RRAS2: variants seen among roughly 807,000 people sequenced by gnomAD.
RRAS2 encodes the protein RAS related 2.
RRAS2 carries 7 observed loss-of-function variants against 27.6 expected under a neutral mutation model. That is an observed-to-expected ratio of 0.25 (90% CI 0.14 to 0.48). The LOEUF is 0.48. RRAS2 is among the 20% of genes least tolerant of loss of function. The probability of loss-of-function intolerance (pLI) is 0.99; values close to 1 mark genes in which losing one functional copy is unlikely to be tolerated. For missense variants in RRAS2, 178 were observed against 256.2 expected, an observed-to-expected ratio of 0.69 and a Z score of 2.08; for synonymous variants, 86 against 90.9, an observed-to-expected ratio of 0.95 and a Z score of 0.31.
chr11:14,359,175 T>A lies in RRAS2; in HGVS notation c.-305A>T. 8 of 974,378 alleles carry A rather than the reference T, an allele frequency of 8.2e-6. No homozygotes were observed. Among genetic ancestry groups the A allele is most frequent in the Non-Finnish European group, 9.6e-6 (8 of 829,628 alleles). The allele number at this position is 974,378 out of a possible 1,614,324, so 60.4% of individuals were successfully genotyped here. Reference sequence around the variant, plus strand: ...ACGCAGCCTCCAGCGCCGCCACAAATGGCCGTCTGGGGGCCGGGCTGCCAG... The same window carrying A: ...ACGCAGCCTCCAGCGCCGCCACAAAAGGCCGTCTGGGGGCCGGGCTGCCAG... On this transcript the variant is annotated 5_prime_UTR_variant, in exon 1 of 6. Transcript: ENST00000256196.
rs1158523964 is a variant in RRAS2, at chr11:14,278,426, A to G, written c.*911T>C. 1.3e-5 allele frequency: 2 copies of G among 152,272 alleles called. No individual in the cohort carries two copies. Among genetic ancestry groups the G allele is most frequent in the Admixed American group, 6.5e-5 (1 of 15,284 alleles). The allele number at this position is 152,272 out of a possible 1,614,324, so 9.4% of individuals were successfully genotyped here. ...TATGAAAGCATATCTGCTTACAAAC[A>G]TATAAAAATACTTGTTAACTAGTTT... On this transcript the variant is annotated 3_prime_UTR_variant, in exon 6 of 6. Coordinates refer to ENST00000256196, the MANE Select transcript of RRAS2 (RefSeq NM_012250.6).
chr11:14,339,921 C>A (rs924089406), intron 1 of RRAS2, among the ~76,000 whole-genome samples: 3 of 151,634 alleles, frequency 2.0e-5, no homozygotes, highest in Admixed American at 1.3e-4. Context: ...CGAGACCAGC[C>A]TGGGCAATAT....
intron 1 of RRAS2, among the ~76,000 whole-genome samples, chr11:14,305,215 T>C (rs574407073): frequency 1.3e-3 from 195 of 152,330 alleles, no homozygotes; most frequent in Non-Finnish European, 2.4e-3. Context: ...TGAATGGGCC[T>C]GGTATGTGCC....
intron 4 of RRAS2, among the ~76,000 whole-genome samples, chr11:14,292,465 TG>T (rs797024914): frequency 1.3e-5 from 2 of 152,104 alleles, no homozygotes; most frequent in African/African-American, 4.8e-5. Flanking sequence ...ATTTCCCAGA[TG>T]CAATGACATA....
intron 4 of RRAS2, among the ~76,000 whole-genome samples, chr11:14,293,124 A>AATATATATATATAT (rs781860601): frequency 0.02 from 1,499 of 76,554 alleles, 62 homozygotes; most frequent in Non-Finnish European, 0.026. Flanking sequence ...AAACAAAACA[A>AATATATATATATAT]ATATATATAT....
At chr11:14,341,712 T>A in intron 1 of RRAS2, 1 of 341,472 alleles carries the variant, frequency 2.9e-6, no homozygotes, top group Non-Finnish European at 5.9e-6. Context: ...AAAATTTCCA[T>A]TTGACTACAC....
rs545364628 is a variant in RRAS2, at chr11:14,292,602, T to A, written c.408+1869A>T. On this transcript the variant is annotated intron_variant, in intron 4 of 5. Coordinates refer to ENST00000256196, the MANE Select transcript of RRAS2 (RefSeq NM_012250.6). ...TCTTAAAAAAAAACAAAATTAAATC[T>A]AAAAAAAATAGATGAACTGTCTATG... Among the ~76,000 whole-genome samples, 18 of 151,726 alleles carry A rather than the reference T, an allele frequency of 1.2e-4. No homozygotes were observed. In the South Asian group the frequency reaches 3.8e-3, roughly 32 times the overall value.
At chr11:14,328,805 G>C (rs980505837) in intron 1 of RRAS2, among the ~76,000 whole-genome samples, 2 of 150,630 alleles carry the variant, frequency 1.3e-5, no homozygotes, top group African/African-American at 2.4e-5. Flanking sequence ...GCTGGGATTA[G>C]AGGCATGCGC....
At chr11:14,302,397 G>A (rs1276697878) in intron 1 of RRAS2, among the ~76,000 whole-genome samples, 1 of 152,154 alleles carries the variant, frequency 6.6e-6, no homozygotes, top group African/African-American at 2.4e-5. Context: ...GAGACAACAT[G>A]ATGAGAAGAA....
At position 14,294,529 on chromosome 11, in the gene RRAS2, C is replaced by G. The variant is rs566703225; in HGVS notation, c.350G>C (p.Arg117Pro). The change falls in exon 4 of 6, where the codon CGT becomes CCT. Residue 117 changes from arginine (R) to proline (P), a missense_variant. Transcript: ENST00000256196. ...FQRQILRVKD[R>P]DEFPMILIGN... The stretch of plus-strand genomic sequence containing the variant: ...AATTAAAATCATTGGGAACTCATCA[C>G]GATCCTTTACTCTGAGAATCTGTCT... 1.2e-6 allele frequency: 2 copies of G among 1,600,492 alleles called. No homozygotes were observed. Among genetic ancestry groups the G allele is most frequent in the Non-Finnish European group, 8.5e-7 (1 of 1,174,762 alleles).
intron 1 of RRAS2, among the ~76,000 whole-genome samples, chr11:14,317,201 G>T (rs988219151): frequency 1.3e-5 from 2 of 152,186 alleles, no homozygotes; most frequent in African/African-American, 2.4e-5. Context: ...TGGAAGAAGA[G>T]AATTCAAAAC....
intron 4 of RRAS2, among the ~76,000 whole-genome samples, chr11:14,282,963 C>T (rs1849580178): frequency 6.6e-6 from 1 of 152,202 alleles, no homozygotes. Flanking sequence ...AGTACAATGA[C>T]ATAAGTGGTG....
At chr11:14,312,419 G>C (rs1847992381) in intron 1 of RRAS2, among the ~76,000 whole-genome samples, 1 of 152,024 alleles carries the variant, frequency 6.6e-6, no homozygotes, top group Non-Finnish European at 1.5e-5. Flanking sequence ...CTTGTTTTTT[G>C]TTTGTTTTTT....
chr11:14,350,016 T>C (rs1554954547), intron 1 of RRAS2, among the ~76,000 whole-genome samples: 1 of 152,206 alleles, frequency 6.6e-6, no homozygotes, highest in East Asian at 1.9e-4. Context: ...CTCTATCCTT[T>C]CCACCATATA....
intron 1 of RRAS2, among the ~76,000 whole-genome samples, chr11:14,303,742 ATCTC>A (rs1169035716): frequency 6.6e-6 from 1 of 152,038 alleles, no homozygotes; most frequent in South Asian, 2.1e-4. Flanking sequence ...TCCTGTCATC[ATCTC>A]TCTCTCCCTG....
chr11:14,358,797 A>C lies in RRAS2; in HGVS notation c.74T>G (p.Val25Gly). 6.7e-7 allele frequency: 1 copy of C among 1,484,482 alleles called. No individual in the cohort carries two copies. The highest frequency in any genetic ancestry group is 9.0e-7 in the Non-Finnish European group (1 of 1,111,158). The allele number at this position is 1,484,482 out of a possible 1,614,324, so 92.0% of individuals were successfully genotyped here. Reference protein sequence around the residue: ...YRLVVVGGGGVGKSALTIQFI... With the variant: ...YRLVVVGGGGGGKSALTIQFI... ...CTGGATGGTGAGCGCCGACTTGCCC[A>C]CGCCGCCCCCGCCGACCACCACGAG... The change falls in exon 1 of 6, where the codon GTG (valine) becomes GGG (glycine). Residue 25 changes from valine to glycine, a missense_variant. By Grantham distance (109) the Val-to-Gly change is moderately radical. Coordinates refer to ENST00000256196, the MANE Select transcript of RRAS2 (RefSeq NM_012250.6). This position sits in a 1 kb window ranked among gnomAD's most constrained non-coding sequence, Gnocchi z 5.1.
rs1001861708 is a variant in RRAS2, at chr11:14,337,391, A to G, written c.108+21372T>C. 4.7e-4 allele frequency among the ~76,000 whole-genome samples: 72 copies of G among 152,180 alleles called. 1 individual carries two copies. Among genetic ancestry groups the G allele is most frequent in the African/African-American group, 1.7e-3 (72 of 41,426 alleles). On this transcript the variant is annotated intron_variant, in intron 1 of 5. Coordinates refer to ENST00000256196, the MANE Select transcript of RRAS2 (RefSeq NM_012250.6). The stretch of plus-strand genomic sequence containing the variant: ...CAAGCCATATCATCATGCCTCAACG[A>G]TCCAGGATCATCCAAAGCAGATGAT...
chr11:14,286,399 T>C (rs577268762), intron 4 of RRAS2, among the ~76,000 whole-genome samples: 2 of 152,336 alleles, frequency 1.3e-5, no homozygotes, highest in East Asian at 3.9e-4. Flanking sequence ...CTAGGTTTTG[T>C]TACAGGGTAC....
chr11:14,307,058 G>A (rs1203784300), intron 1 of RRAS2, among the ~76,000 whole-genome samples: 1 of 152,014 alleles, frequency 6.6e-6, no homozygotes, highest in African/African-American at 2.4e-5. Context: ...GGGCATGATG[G>A]CACATGCCTG....
Sources: gnomAD v4.1 joint callset for allele counts (sites outside exome capture counted in the v4.1 genomes callset) on GRCh38, gnomAD v4.1.1 for gene constraint, Gnocchi (gnomAD v3.1) non-coding constraint, MANE v1.5 for transcripts, NCBI Gene and HGNC (gene_info 2026-07-23, HGNC 2026-07-21) for gene names.